Variants in OSBPL1A observed in about 807,000 individuals in gnomAD.
OSBPL1A encodes the protein oxysterol-binding protein-related protein 1.
A neutral mutation model predicts 137.1 loss-of-function variants in OSBPL1A; 80 were observed. The ratio of observed to expected loss-of-function variants is 0.58; its 90% CI spans 0.49 to 0.70. The LOEUF (loss-of-function observed/expected upper bound fraction) is 0.70, where lower values mean the gene tolerates loss of function less well. Among genes scored for constraint, OSBPL1A ranks in the 30% least tolerant of loss-of-function variants. The probability of loss-of-function intolerance (pLI) is 0.00; values close to 1 mark genes in which losing one functional copy is unlikely to be tolerated. For missense variants in OSBPL1A, 970 were observed against 1,129.4 expected (o/e 0.86, Z 2.02); for synonymous variants, 365 against 389.7 (o/e 0.94, Z 0.75).
At chr18:24,258,855 T>C (rs2089361739) in intron 15 of OSBPL1A, among the ~76,000 whole-genome samples, 1 of 150,494 alleles carries the variant, frequency 6.6e-6, no homozygotes, top group African/African-American at 2.4e-5. Context: ...TATATAAAAA[T>C]AGTAAAATTC....
At chr18:24,249,574 G>A (rs997729763) in intron 15 of OSBPL1A, among the ~76,000 whole-genome samples, 1 of 152,136 alleles carries the variant, frequency 6.6e-6, no homozygotes, top group Non-Finnish European at 1.5e-5. Context: ...GGCAACAGCT[G>A]TACAGCATGG....
chr18:24,276,102 T>A (rs2089841153), intron 15 of OSBPL1A, among the ~76,000 whole-genome samples: 1 of 152,124 alleles, frequency 6.6e-6, no homozygotes, highest in African/African-American at 2.4e-5. Context: ...TATAAAACAC[T>A]TGATAAGTGA....
At chr18:24,364,635 C>G (rs980895846) in intron 4 of OSBPL1A, among the ~76,000 whole-genome samples, 2 of 151,242 alleles carry the variant, frequency 1.3e-5, no homozygotes, top group Non-Finnish European at 2.9e-5. Flanking sequence ...TTTAACTCAG[C>G]AGATATATTA....
In OSBPL1A at chr18:24,255,967, G is replaced by A. The variant is rs112630017; in HGVS notation, c.1282-16585C>T. Among the ~76,000 whole-genome samples, 912 of 152,038 alleles carry A rather than the reference G, an allele frequency of 6.0e-3. 9 individuals carry two copies. Among genetic ancestry groups the A allele is most frequent in the African/African-American group, 0.018 (753 of 41,464 alleles). ...GCGCCACCACACCTGGCTGATTTTTGTATTTTTAGTAGAGACGGGGTTTTG... is the reference window on the plus strand; with the variant it reads ...GCGCCACCACACCTGGCTGATTTTTATATTTTTAGTAGAGACGGGGTTTTG... On this transcript the variant is annotated intron_variant, in intron 15 of 27. Coordinates refer to ENST00000319481, the MANE Select transcript of OSBPL1A (RefSeq NM_080597.4).
At chr18:24,215,969 C>T (rs1835433901) in intron 17 of OSBPL1A, among the ~76,000 whole-genome samples, 1 of 152,114 alleles carries the variant, frequency 6.6e-6, no homozygotes, top group Non-Finnish European at 1.5e-5. Flanking sequence ...TGTTGACATC[C>T]TGGGGATTAT....
At chr18:24,195,296 AAAAAAATGAAAAG>A (rs2086996750) in intron 18 of OSBPL1A, among the ~76,000 whole-genome samples, 8 of 152,066 alleles carry the variant, frequency 5.3e-5, no homozygotes, top group Admixed American at 1.3e-4. Context: ...CCCCTGTCTC[AAAAAAATGAAAAG>A]AAATGAAATG....
intron 17 of OSBPL1A, among the ~76,000 whole-genome samples, chr18:24,216,332 C>T (rs2087696526): frequency 6.6e-6 from 1 of 152,172 alleles, no homozygotes; most frequent in Admixed American, 6.5e-5. Context: ...ACAGTGAAAC[C>T]CTGTCTGTAC....
chr18:24,189,628 T>C (rs1274994362), intron 18 of OSBPL1A, among the ~76,000 whole-genome samples: 1 of 152,236 alleles, frequency 6.6e-6, no homozygotes, highest in Non-Finnish European at 1.5e-5. Flanking sequence ...CCAAATGTCT[T>C]TCTTTCCCCA....
At chr18:24,310,349 G>C (rs889579920) in intron 13 of OSBPL1A, among the ~76,000 whole-genome samples, 1 of 151,168 alleles carries the variant, frequency 6.6e-6, no homozygotes, top group African/African-American at 2.4e-5. Context: ...AGCACTTTGC[G>C]GGGACGAGGC....
Position 24,285,888 on chromosome 18 carries a change from G to A in OSBPL1A, c.1175-4940C>T, listed in dbSNP as rs117831857. 1.3e-3 allele frequency among the ~76,000 whole-genome samples: 196 copies of A among 152,296 alleles called. 3 individuals carry two copies. The East Asian group carries it at 0.033, about 25-fold the overall frequency. On this transcript the variant is annotated intron_variant, in intron 14 of 27. Coordinates refer to ENST00000319481, the MANE Select transcript of OSBPL1A (RefSeq NM_080597.4). Reference sequence around the variant, plus strand: ...ATGGACTTTCAAGGCTGGGCGCGGTGGTTGATACCTGTAATCCCAGCACTT... The same window carrying A: ...ATGGACTTTCAAGGCTGGGCGCGGTAGTTGATACCTGTAATCCCAGCACTT...
intron 1 of OSBPL1A, among the ~76,000 whole-genome samples, chr18:24,381,193 T>G (rs1906568736): frequency 6.6e-6 from 1 of 152,032 alleles, no homozygotes. Context: ...CAAGTGGGAT[T>G]ATAGCCAAGG....
chr18:24,328,619 G>C (rs1220467928), intron 7 of OSBPL1A, among the ~76,000 whole-genome samples: 1 of 152,148 alleles, frequency 6.6e-6, no homozygotes, highest in Non-Finnish European at 1.5e-5. Flanking sequence ...TTCTGGCAGA[G>C]AGAATAGTAT....
At chr18:24,332,899 TAATTTCAA>T in intron 7 of OSBPL1A, 35 bp downstream of exon 7, 1 of 1,601,482 alleles carries the variant, frequency 6.2e-7, no homozygotes, top group Non-Finnish European at 8.5e-7. Context: ...CTTCATTTTA[TAATTTCAA>T]AATGGCCAAC....
chr18:24,348,003 C>G (rs995088078), intron 4 of OSBPL1A, among the ~76,000 whole-genome samples: 25 of 151,908 alleles, frequency 1.6e-4, no homozygotes, highest in African/African-American at 5.1e-4. Flanking sequence ...TGTTGATATA[C>G]TGTTATAGAG....
chr18:24,325,929 A>AT (rs1283946770), intron 7 of OSBPL1A, among the ~76,000 whole-genome samples: 1 of 151,998 alleles, frequency 6.6e-6, no homozygotes, highest in African/African-American at 2.4e-5. Context: ...TTTTAATTTT[A>AT]TTTTTTTTCA....
At chr18:24,377,123 G>A (rs112424356) in intron 2 of OSBPL1A, among the ~76,000 whole-genome samples, 8,036 of 152,318 alleles carry the variant, frequency 0.053, 718 homozygotes, top group African/African-American at 0.18. Context: ...AGGTCTGTGA[G>A]GACTGCCAGC....
intron 15 of OSBPL1A, among the ~76,000 whole-genome samples, chr18:24,257,983 G>A (rs1599574895): frequency 6.6e-6 from 1 of 152,298 alleles, no homozygotes; most frequent in East Asian, 1.9e-4. Context: ...ACAAATGCTG[G>A]CAAGGATGTG....
At chr18:24,227,673 G>A (rs748351213) in intron 16 of OSBPL1A, among the ~76,000 whole-genome samples, 7 of 152,172 alleles carry the variant, frequency 4.6e-5, no homozygotes, top group African/African-American at 9.7e-5. Context: ...GTGCTCGGGC[G>A]GAGGTGAGAG....
At chr18:24,276,475 G>T (rs2146067407) in intron 15 of OSBPL1A, among the ~76,000 whole-genome samples, 1 of 152,214 alleles carries the variant, frequency 6.6e-6, no homozygotes, top group African/African-American at 2.4e-5. Context: ...CAGAGCTCTT[G>T]TTTCCCAAGC....
Sources: allele counts gnomAD v4.1 joint callset (sites outside exome capture counted in the v4.1 genomes callset), GRCh38; gene constraint gnomAD v4.1.1; transcripts MANE v1.5; gene names NCBI Gene and HGNC (gene_info 2026-07-23, HGNC 2026-07-21).